MYBPC3: variants seen among roughly 807,000 people sequenced by gnomAD.
MYBPC3 encodes myosin binding protein C3, also known as myosin-binding protein C, cardiac-type.
MYBPC3 carries 108 observed loss-of-function variants against 159.3 expected under a neutral mutation model. The ratio of observed to expected loss-of-function variants is 0.68; its 90% CI spans 0.58 to 0.80. MYBPC3 has a LOEUF of 0.80. Ranked by LOEUF, MYBPC3 falls within the 30% of genes least tolerant of loss-of-function variation. MYBPC3 has a pLI of 0.00. For synonymous variants in MYBPC3, 730 were observed against 702.0 expected (o/e 1.04, Z -0.63); for missense variants, 1,631 against 1,762.1 (o/e 0.93, Z 1.33).
In MYBPC3 at chr11:47,332,999, A is replaced by C. The variant is rs2142850484; in HGVS notation, c.3331-26T>G. 1.3e-6 allele frequency: 2 copies of C among 1,599,334 alleles called. No individual in the cohort carries two copies. Among genetic ancestry groups the C allele is most frequent in the Non-Finnish European group, 1.7e-6 (2 of 1,172,744 alleles). ...CTGGGGGCAGGGAGGGAGGGGAGGC[A>C]TCTCTGGGCCAGGCCCTTCCTGATG... On this transcript the variant is annotated intron_variant, in intron 30 of 34. Transcript: ENST00000545968. This position sits in a 1 kb window ranked among gnomAD's most constrained non-coding sequence, Gnocchi z 4.2.
In MYBPC3 at chr11:47,332,748, G is replaced by A. The variant is rs1403833843; in HGVS notation, c.3491-46C>T. The A allele has an allele frequency of 1.3e-6, 2 of 1,585,896 alleles. No homozygotes were observed. The highest frequency in any genetic ancestry group is 1.7e-6 in the Non-Finnish European group (2 of 1,165,238). Reference sequence around the variant, plus strand: ...TACCGAGAGGGCCACACAAAGCTAGGCCCCTCTCCCTGTTCCCACAGCCTC... The same window carrying A: ...TACCGAGAGGGCCACACAAAGCTAGACCCCTCTCCCTGTTCCCACAGCCTC... On this transcript the variant is annotated intron_variant, in intron 31 of 34. Coordinates refer to ENST00000545968, the MANE Select transcript of MYBPC3 (RefSeq NM_000256.3). The surrounding 1 kb of genome is among the most constrained non-coding windows in gnomAD (Gnocchi z 4.2).
At position 47,351,289 on chromosome 11, in the gene MYBPC3, A is replaced by ACTC. The variant is rs1157695597; in HGVS notation, c.241_242insGAG (p.Ala80_Val81insGly). 2.6e-5 allele frequency: 40 copies of ACTC among 1,565,898 alleles called. No individual in the cohort carries two copies. The highest frequency in any genetic ancestry group is 3.2e-5 in the Non-Finnish European group (37 of 1,153,402). ...CTTGACCTTGGAGGAGCCAGCAATG[A>ACTC]CTGCGTAAGATCCCTGGTCGGCAGG... On this transcript the variant is annotated inframe_insertion, in exon 2 of 35. Transcript: ENST00000545968. This position sits in a 1 kb window ranked among gnomAD's most constrained non-coding sequence, Gnocchi z 4.2.
In MYBPC3 at chr11:47,338,839, C is replaced by T. The variant is rs531667388; in HGVS notation, c.2149-160G>A. Among the ~76,000 whole-genome samples, 38 of 152,266 alleles carry T rather than the reference C, an allele frequency of 2.5e-4. No individual in the cohort carries two copies. Among genetic ancestry groups the T allele is most frequent in the South Asian group, 8.3e-4 (4 of 4,826 alleles). On this transcript the variant is annotated intron_variant, in intron 22 of 34. Coordinates refer to ENST00000545968, the MANE Select transcript of MYBPC3 (RefSeq NM_000256.3). The surrounding 1 kb of genome is among the most constrained non-coding windows in gnomAD (Gnocchi z 4.7). ...TAGTTCAAAATCATCTCTGTGGCAC[C>T]GACTGAGGGCAGGGGCTCGGGTTCT...
intron 12 of MYBPC3, 49 bp from the exon 13 acceptor site, chr11:47,343,673 C>T (rs757563838): frequency 2.0e-6 from 3 of 1,534,628 alleles, no homozygotes; most frequent in South Asian, 1.2e-5. Context: ...GCACCCTGCT[C>T]CCCCAGGCCA....
At chr11:47,339,876 C>A (rs1377084738) in intron 20 of MYBPC3, 86 bp from the exon 21 acceptor site, 3 of 1,447,438 alleles carry the variant, frequency 2.1e-6, no homozygotes, top group African/African-American at 1.4e-5. Flanking sequence ...AGAGCCTGGG[C>A]CCCTGGTTAT....
chr11:47,343,712 G>T, intron 12 of MYBPC3, 88 bp from the exon 13 acceptor site: 2 of 1,392,462 alleles, frequency 1.4e-6, no homozygotes, highest in South Asian at 1.4e-5. Flanking sequence ...TGGGGCCCAG[G>T]TCCCCCCCTC....
In MYBPC3 at chr11:47,338,189, A is replaced by G. The variant is rs1394453250; in HGVS notation, c.2308+331T>C. 6.6e-6 allele frequency among the ~76,000 whole-genome samples: 1 copy of G among 151,428 alleles called. No individual in the cohort carries two copies. The highest frequency in any genetic ancestry group is 1.5e-5 in the Non-Finnish European group (1 of 67,856). On this transcript the variant is annotated intron_variant, in intron 23 of 34. Transcript: ENST00000545968. The surrounding 1 kb of genome is among the most constrained non-coding windows in gnomAD (Gnocchi z 4.7). The stretch of plus-strand genomic sequence containing the variant: ...CTTTCCCTCCTCCACCCCTTTGTAC[A>G]CAGTTTCCTCTGCCTGGGATGCCTT...
chr11:47,348,015 C>A (rs2095896194), intron 6 of MYBPC3, 110 bp from the exon 7 acceptor site: 1 of 1,078,960 alleles, frequency 9.3e-7, no homozygotes, highest in Non-Finnish European at 1.4e-6. Flanking sequence ...CATTCATGAC[C>A]CCATGAGGCT....
chr11:47,350,126 C>G lies in MYBPC3; in HGVS notation c.407-14G>C, dbSNP rs1565631185. On this transcript the variant is annotated splice_polypyrimidine_tract_variant and intron_variant, in intron 3 of 34. Coordinates refer to ENST00000545968, the MANE Select transcript of MYBPC3 (RefSeq NM_000256.3). ...CTGAGCTTGACCCTGTGAGCAAAGG[C>G]TTTTTCTGTTTGTTTGAGATGGAGT... 6.4e-7 allele frequency: 1 copy of G among 1,550,632 alleles called. No individual in the cohort carries two copies. Among genetic ancestry groups the G allele is most frequent in the East Asian group, 2.4e-5 (1 of 40,960 alleles).
intron 27 of MYBPC3, 149 bp from the exon 28 acceptor site, chr11:47,334,159 ACACAGCAACTCC>A: frequency 1.4e-6 from 1 of 730,238 alleles, no homozygotes; most frequent in Non-Finnish European, 2.2e-6. Flanking sequence ...GCTCCTGCTA[ACACAGCAACTCC>A]AGGCTGCCCA....
Position 47,346,138 on chromosome 11 carries a change from C to A in MYBPC3, c.1090+69G>T. ...CCCTGTGGGGAAGGGCTAACCTATG[C>A]CCTCTCCTCTCCTGTGTAGGGAAGG... On this transcript the variant is annotated intron_variant, in intron 12 of 34. Coordinates refer to ENST00000545968, the MANE Select transcript of MYBPC3 (RefSeq NM_000256.3). This position sits in a 1 kb window ranked among gnomAD's most constrained non-coding sequence, Gnocchi z 5.3. The A allele has an allele frequency of 6.3e-7, 1 of 1,592,916 alleles. No individual in the cohort carries two copies. The highest frequency in any genetic ancestry group is 1.1e-5 in the South Asian group (1 of 87,946).
Position 47,348,533 on chromosome 11 carries a change from C to T in MYBPC3, c.663G>A (p.Leu221=). The change falls in exon 6 of 35, where the codon CTG becomes CTA. Residue 221 remains leucine (L), a synonymous_variant. Transcript: ENST00000545968. ...DSYDRASKVY[L]FELHITDAQP... is the part of the protein sequence containing the mutation. ...GGGCATCGGTGATGTGCAGCTCGAA[C>T]AGATAGACCTGTGTGCATGGAGGGA... 1.9e-6 allele frequency: 3 copies of T among 1,611,974 alleles called. No homozygotes were observed. The highest frequency in any genetic ancestry group is 2.5e-6 in the Non-Finnish European group (3 of 1,178,886).
intron 22 of MYBPC3, 44 bp downstream of exon 22, chr11:47,339,280 G>A: frequency 6.3e-7 from 1 of 1,599,004 alleles, no homozygotes; most frequent in Non-Finnish European, 8.6e-7. Context: ...GGTAGAAAGT[G>A]ATGAAAGACA....
At position 47,338,680 on chromosome 11, in the gene MYBPC3, C is replaced by CT. The variant is rs2095885176; in HGVS notation, c.2149-2dup. 1.2e-6 allele frequency: 2 copies of CT among 1,608,784 alleles called. No individual in the cohort carries two copies. Among genetic ancestry groups the CT allele is most frequent in the Non-Finnish European group, 8.5e-7 (1 of 1,177,392 alleles). ...CCCGGCCCTCGGTCTCACACAGCAG[C>CT]TGGGGGGGTGCAGAGTTGGGGTGAG... On this transcript the variant is annotated splice_acceptor_variant, in intron 22 of 34. Coordinates refer to ENST00000545968, the MANE Select transcript of MYBPC3 (RefSeq NM_000256.3). LOFTEE classifies it high-confidence loss of function. The surrounding 1 kb of genome is among the most constrained non-coding windows in gnomAD (Gnocchi z 4.7).
chr11:47,333,800 C>A (rs761492958), intron 28 of MYBPC3, 48 bp from the exon 29 acceptor site: 2 of 1,552,948 alleles, frequency 1.3e-6, no homozygotes, highest in Non-Finnish European at 1.7e-6. Context: ...CTCCAAGGGC[C>A]GGCCGCCACC....
rs768625454 is a variant in MYBPC3, at chr11:47,348,454, C to A, written c.742G>T (p.Asp248Tyr). The A allele has an allele frequency of 2.5e-6, 4 of 1,613,140 alleles. No homozygotes were observed. Among genetic ancestry groups the A allele is most frequent in the East Asian group, 4.5e-5 (2 of 44,848 alleles). Reference protein sequence around the residue: ...RCEVSTKDKFDCSNFNLTVHE... With the variant: ...RCEVSTKDKFYCSNFNLTVHE... ...ACAGTGAGATTGAAGTTGGAGCAGT[C>A]AAATTTGTCCTTGGTGGACACCTCA... The change falls in exon 6 of 35, where the codon GAC becomes TAC. Residue 248 changes from aspartate (D) to tyrosine (Y), a missense_variant. Asp to Tyr is a radical substitution (Grantham distance 160). Coordinates refer to ENST00000545968, the MANE Select transcript of MYBPC3 (RefSeq NM_000256.3).
intron 5 of MYBPC3, among the ~76,000 whole-genome samples, chr11:47,348,908 T>TTATATATATATATATATATATATATATA (rs58411933): frequency 0.02 from 802 of 39,784 alleles, 159 homozygotes; most frequent in Middle Eastern, 0.028. Context: ...CTGTCTCAAA[T>TTATATATATATATATATATATATATATA]TATATATATA....
rs1193362872 is a variant in MYBPC3, at chr11:47,342,167, G to A, written c.1625-11C>T. 1.9e-6 allele frequency: 3 copies of A among 1,613,016 alleles called. No homozygotes were observed. Among genetic ancestry groups the A allele is most frequent in the Non-Finnish European group, 2.5e-6 (3 of 1,179,110 alleles). On this transcript the variant is annotated splice_polypyrimidine_tract_variant and intron_variant, in intron 17 of 34. Coordinates refer to ENST00000545968, the MANE Select transcript of MYBPC3 (RefSeq NM_000256.3). ...CCTCCAGCTTCTTTTCTGCAGGGCA[G>A]GGCAGAGCCATTGAGCTCGGGAGGG...
At chr11:47,334,366 C>T (rs931971308) in intron 27 of MYBPC3, among the ~76,000 whole-genome samples, 2 of 152,206 alleles carry the variant, frequency 1.3e-5, no homozygotes, top group African/African-American at 2.4e-5. Flanking sequence ...AGAACCAATC[C>T]TTACAAAAGA....
Sources: gnomAD v4.1 joint callset for allele counts (sites outside exome capture counted in the v4.1 genomes callset) on GRCh38, gnomAD v4.1.1 for gene constraint, Gnocchi (gnomAD v3.1) non-coding constraint, MANE v1.5 for transcripts, NCBI Gene and HGNC (gene_info 2026-07-23, HGNC 2026-07-21) for gene names.